Variants in TTLL5 observed in about 807,000 individuals in gnomAD.
The protein encoded by TTLL5 is tubulin tyrosine ligase like 5, also known as tubulin polyglutamylase TTLL5.
In TTLL5, 132 loss-of-function variants were observed where a neutral mutation model predicts 168.4. The observed-to-expected ratio is 0.78, with a 90% confidence interval of 0.68 to 0.91. The LOEUF (loss-of-function observed/expected upper bound fraction) is 0.91, where lower values mean the gene tolerates loss of function less well. TTLL5 is among the 40% of genes least tolerant of loss of function. The pLI is 0.00. For missense variants in TTLL5, 1,545 were observed against 1,581.5 expected (o/e 0.98, Z 0.39); for synonymous variants, 546 against 558.6 (o/e 0.98, Z 0.32).
intron 28 of TTLL5, among the ~76,000 whole-genome samples, chr14:75,844,642 A>G (rs1232804239): frequency 1.3e-5 from 2 of 152,228 alleles, no homozygotes; most frequent in Non-Finnish European, 2.9e-5. Context: ...AAGATAAGGC[A>G]TATAAAGAGC....
chr14:75,911,142 C>A (rs1289132317), intron 31 of TTLL5, among the ~76,000 whole-genome samples: 1 of 152,196 alleles, frequency 6.6e-6, no homozygotes, highest in East Asian at 1.9e-4. Context: ...ACTCTCGAGC[C>A]TTCGCCTCCC....
intron 29 of TTLL5, among the ~76,000 whole-genome samples, chr14:75,880,737 T>C (rs753490832): frequency 6.6e-6 from 1 of 152,234 alleles, no homozygotes; most frequent in Non-Finnish European, 1.5e-5. Context: ...TTGTAGACCC[T>C]GTCCCAGAAG....
At chr14:75,783,592 G>A in intron 26 of TTLL5, 62 bp downstream of exon 26, 1 of 1,560,414 alleles carries the variant, frequency 6.4e-7, no homozygotes, top group African/African-American at 1.4e-5. Flanking sequence ...AATAAAGAAA[G>A]GATGTCATCT....
At chr14:75,666,597 G>A (rs1272047088) in intron 2 of TTLL5, among the ~76,000 whole-genome samples, 1 of 152,186 alleles carries the variant, frequency 6.6e-6, no homozygotes, top group Non-Finnish European at 1.5e-5. Flanking sequence ...AGGAAGTATC[G>A]TAATGGGCTG....
At position 75,672,182 on chromosome 14, in the gene TTLL5, C is replaced by T. The variant is rs541235384; in HGVS notation, c.181+2660C>T. On this transcript the variant is annotated intron_variant, in intron 3 of 31. Coordinates refer to ENST00000298832, the MANE Select transcript of TTLL5 (RefSeq NM_015072.5). ...GACTGACTTTTTGTGTCTTGAACCTCCCTTATATTCCTGAGATAAATCCCA... is the reference window on the plus strand; with the variant it reads ...GACTGACTTTTTGTGTCTTGAACCTTCCTTATATTCCTGAGATAAATCCCA... Among the ~76,000 whole-genome samples the T allele has an allele frequency of 1.4e-3, 215 of 152,294 alleles. 1 individual carries two copies. Among genetic ancestry groups the T allele is most frequent in the Non-Finnish European group, 2.5e-3 (171 of 68,024 alleles).
At chr14:75,758,754 C>T (rs1263314711) in intron 18 of TTLL5, among the ~76,000 whole-genome samples, 1 of 152,084 alleles carries the variant, frequency 6.6e-6, no homozygotes, top group Non-Finnish European at 1.5e-5. Flanking sequence ...AGAAAATCTT[C>T]ACATATTTGG....
chr14:75,841,802 C>T (rs566544631), intron 28 of TTLL5, among the ~76,000 whole-genome samples: 1 of 152,124 alleles, frequency 6.6e-6, no homozygotes, highest in South Asian at 2.1e-4. Context: ...CTAAAAAATA[C>T]ACATATGGAA....
intron 7 of TTLL5, 61 bp downstream of exon 7, chr14:75,699,331 G>A (rs1886092864): frequency 7.2e-7 from 1 of 1,388,960 alleles, no homozygotes; most frequent in South Asian, 1.2e-5. Flanking sequence ...TTCACCCTTT[G>A]TATTGGTTAC....
intron 12 of TTLL5, among the ~76,000 whole-genome samples, chr14:75,728,310 T>A (rs1185550196): frequency 6.7e-6 from 1 of 148,154 alleles, no homozygotes; most frequent in Non-Finnish European, 1.5e-5. Flanking sequence ...GAGCCGATAT[T>A]ACACCATTGC....
intron 18 of TTLL5, among the ~76,000 whole-genome samples, chr14:75,763,246 GCTCT>G (rs35399721): frequency 0.012 from 1,778 of 147,222 alleles, 20 homozygotes; most frequent in African/African-American, 0.028. Context: ...TATTTCTATA[GCTCT>G]CTCTCTGTGT....
At position 75,683,560 on chromosome 14, in the gene TTLL5, G is replaced by A. The variant is rs747929606; in HGVS notation, c.275G>A (p.Ser92Asn). The A allele has an allele frequency of 6.2e-6, 10 of 1,613,832 alleles. No individual in the cohort carries two copies. Among genetic ancestry groups the A allele is most frequent in the Admixed American group, 1.7e-5 (1 of 60,006 alleles). ...TCTGTCTGCCCTCAGGTTCACCCAAGCAGCACTGACTATAACCTAATGTGG... is the reference window on the plus strand; with the variant it reads ...TCTGTCTGCCCTCAGGTTCACCCAAACAGCACTGACTATAACCTAATGTGG... ...TAHGFHEVHP[S>N]STDYNLMWTG... is the part of the protein sequence containing the mutation. The change falls in exon 5 of 32, where the codon AGC becomes AAC. Residue 92 changes from serine to asparagine, a missense_variant. Coordinates refer to ENST00000298832, the MANE Select transcript of TTLL5 (RefSeq NM_015072.5).
intron 28 of TTLL5, among the ~76,000 whole-genome samples, chr14:75,829,633 A>G (rs1191279771): frequency 6.6e-6 from 1 of 151,968 alleles, no homozygotes; most frequent in Non-Finnish European, 1.5e-5. Context: ...TGAGTTCACA[A>G]TTCAAAAAAG....
Position 75,925,413 on chromosome 14 carries a change from ACGGGGCGGCGGGGCAGAGGCGC to A in TTLL5, c.3823+23190_3823+23211del, listed in dbSNP as rs1168099349. 7.0e-3 allele frequency among the ~76,000 whole-genome samples: 103 copies of A among 14,742 alleles called. 1 individual carries two copies. The highest frequency in any genetic ancestry group is 0.038 in the African/African-American group (95 of 2,512). 9.7% of individuals were successfully genotyped at this position (14,742 alleles called of 152,430 possible). On this transcript the variant is annotated intron_variant, in intron 31 of 31. Transcript: ENST00000298832. ...GGCAGAGGCGCTCCTCACATCCCAG[ACGGGGCGGCGGGGCAGAGGCGC>A]TCCTCACATCCCAGACGGGGCGGCG...
rs150949942 is a variant in TTLL5 at position 75,879,847 on chromosome 14, A to G, written c.3523-2838A>G. ...TTTAGCCCAATCTAATAGGAATCCTATACCCAGCTGGTTAAAACTTGGGCT... is the reference window on the plus strand; with the variant it reads ...TTTAGCCCAATCTAATAGGAATCCTGTACCCAGCTGGTTAAAACTTGGGCT... On this transcript the variant is annotated intron_variant, in intron 29 of 31. Transcript: ENST00000298832. Among the ~76,000 whole-genome samples the G allele has an allele frequency of 1.9e-3, 287 of 152,338 alleles. 1 individual carries two copies. The highest frequency in any genetic ancestry group is 0.018 in the South Asian group (89 of 4,828).
chr14:75,817,331 G>A (rs1033656457), intron 27 of TTLL5, among the ~76,000 whole-genome samples: 3 of 152,086 alleles, frequency 2.0e-5, no homozygotes, highest in Non-Finnish European at 4.4e-5. Flanking sequence ...TGTAGAAGCA[G>A]TAGGGGACAG....
chr14:75,932,916 G>A (rs12886488), intron 31 of TTLL5, among the ~76,000 whole-genome samples: 122,189 of 152,124 alleles, frequency 0.8, 49,265 homozygotes, highest in African/African-American at 0.87. Context: ...CACCTAGAAC[G>A]ATCTCAGTCT....
At chr14:75,886,830 G>C in intron 30 of TTLL5, 1 of 1,553,460 alleles carries the variant, frequency 6.4e-7, no homozygotes, top group African/African-American at 1.4e-5. Flanking sequence ...TTTTTTCAGA[G>C]CCAGAATCAT....
chr14:75,757,615 T>C (rs1477466), intron 18 of TTLL5, among the ~76,000 whole-genome samples: 96,998 of 152,114 alleles, frequency 0.64, 33,679 homozygotes, highest in Admixed American at 0.76. Flanking sequence ...TTGTCCTTTT[T>C]TGTTTTTTAT....
chr14:75,756,435 A>G (rs921800639), intron 18 of TTLL5, among the ~76,000 whole-genome samples: 1 of 152,184 alleles, frequency 6.6e-6, no homozygotes, highest in African/African-American at 2.4e-5. Context: ...TGGTGGATAC[A>G]TGAACCTACA....
Sources: gnomAD v4.1 joint callset for allele counts (sites outside exome capture counted in the v4.1 genomes callset) on GRCh38, gnomAD v4.1.1 for gene constraint, MANE v1.5 for transcripts, NCBI Gene and HGNC (gene_info 2026-07-23, HGNC 2026-07-21) for gene names.